Variants in CCDC149 observed in about 807,000 individuals in gnomAD.
CCDC149 encodes the protein coiled-coil domain containing 149.
In CCDC149, 45 loss-of-function variants were observed where a neutral mutation model predicts 59.9. That is an observed-to-expected ratio of 0.75 (90% CI 0.59 to 0.96). The LOEUF (loss-of-function observed/expected upper bound fraction) is 0.96. CCDC149 is among the 40% of genes least tolerant of loss of function. The probability of loss-of-function intolerance (pLI) is 0.00; values close to 1 mark genes in which losing one functional copy is unlikely to be tolerated. For synonymous variants in CCDC149, 245 were observed against 260.6 expected, an observed-to-expected ratio of 0.94 and a Z score of 0.58; for missense variants, 584 against 664.7, an observed-to-expected ratio of 0.88 and a Z score of 1.33.
intron 10 of CCDC149, among the ~76,000 whole-genome samples, chr4:24,821,823 G>C (rs895370887): frequency 1.3e-5 from 2 of 152,110 alleles, no homozygotes; most frequent in African/African-American, 4.8e-5. Context: ...CAAGACAAGT[G>C]GGGTAAATAC....
At chr4:24,907,238 G>GGATCACCTAT (rs1320618642) in intron 1 of CCDC149, among the ~76,000 whole-genome samples, 1 of 152,108 alleles carries the variant, frequency 6.6e-6, no homozygotes, top group Non-Finnish European at 1.5e-5. Context: ...CTCACAATTA[G>GGATCACCTAT]GATCACCTAT....
chr4:24,924,728 A>G (rs1722388556), intron 1 of CCDC149, among the ~76,000 whole-genome samples: 1 of 152,194 alleles, frequency 6.6e-6, no homozygotes, highest in Admixed American at 6.5e-5. Context: ...ACTGCCTTTC[A>G]TCATCTATTC....
intron 1 of CCDC149, among the ~76,000 whole-genome samples, chr4:24,895,344 G>A (rs996082618): frequency 3.9e-5 from 6 of 152,122 alleles, no homozygotes; most frequent in Admixed American, 6.5e-5. Context: ...TGCTGTCTAC[G>A]TGTTAGCCTC....
At chr4:24,831,776 G>GGTGGACTCTCAAT in intron 8 of CCDC149, 126 bp from the exon 9 acceptor site, 1 of 776,204 alleles carries the variant, frequency 1.3e-6, no homozygotes, top group Non-Finnish European at 2.0e-6. Flanking sequence ...GTTGTATTGA[G>GGTGGACTCTCAAT]AGTCCACCTC....
intron 4 of CCDC149, among the ~76,000 whole-genome samples, chr4:24,844,499 A>G (rs1181420735): frequency 6.6e-6 from 1 of 152,160 alleles, no homozygotes; most frequent in Non-Finnish European, 1.5e-5. Context: ...CGGGCCAGGC[A>G]TGGTGGCTGA....
At chr4:24,854,013 C>T (rs149888009) in intron 3 of CCDC149, among the ~76,000 whole-genome samples, 5 of 152,254 alleles carry the variant, frequency 3.3e-5, no homozygotes, top group African/African-American at 7.2e-5. Context: ...CAGGTCCCTC[C>T]GGTCTCCATG....
At position 24,887,597 on chromosome 4, in the gene CCDC149, C is replaced by T. The variant is rs148170627; in HGVS notation, c.64-10900G>A. Reference sequence around the variant, plus strand: ...CCATCCAGCAATACCTCACTTCCCACCCAACAAATGGCTCCAGGTGAACAG... The same window carrying T: ...CCATCCAGCAATACCTCACTTCCCATCCAACAAATGGCTCCAGGTGAACAG... On this transcript the variant is annotated intron_variant, in intron 1 of 12. Coordinates refer to ENST00000635206, the MANE Select transcript of CCDC149 (RefSeq NM_001330643.2). 4.1e-3 allele frequency among the ~76,000 whole-genome samples: 628 copies of T among 152,214 alleles called. 6 individuals carry two copies. The highest frequency in any genetic ancestry group is 0.016 in the South Asian group (75 of 4,808).
intron 12 of CCDC149, among the ~76,000 whole-genome samples, chr4:24,810,411 GA>G (rs915267772): frequency 6.6e-6 from 1 of 152,196 alleles, no homozygotes; most frequent in Non-Finnish European, 1.5e-5. Flanking sequence ...ACCAGGATGA[GA>G]AACAAAATAT....
At chr4:24,933,230 G>T (rs1392122113) in intron 1 of CCDC149, among the ~76,000 whole-genome samples, 1 of 152,148 alleles carries the variant, frequency 6.6e-6, no homozygotes, top group African/African-American at 2.4e-5. Context: ...GGGGCTGGGT[G>T]GCACTAGAAA....
Position 24,948,260 on chromosome 4 carries a change from G to A in CCDC149, c.-65+31809C>T, listed in dbSNP as rs978139393. On this transcript the variant is annotated intron_variant, in intron 1 of 12. Transcript: ENST00000389609. ...TAGGGATTTGCCATCAGGTGACAAG[G>A]GTTCTAGGTTTACAAATGGATCAAC... 3.9e-5 allele frequency among the ~76,000 whole-genome samples: 6 copies of A among 152,154 alleles called. No homozygotes were observed. In the East Asian group the frequency reaches 1.2e-3, roughly 29 times the overall value.
chr4:24,974,181 G>A (rs915084702), intron 1 of CCDC149, among the ~76,000 whole-genome samples: 2 of 152,160 alleles, frequency 1.3e-5, no homozygotes, highest in African/African-American at 4.8e-5. Context: ...AAGGTGACCC[G>A]CAGGTGCCGG....
chr4:24,911,774 G>A (rs1721884726), intron 1 of CCDC149, among the ~76,000 whole-genome samples: 1 of 152,236 alleles, frequency 6.6e-6, no homozygotes, highest in Non-Finnish European at 1.5e-5. Context: ...ACTATTATCA[G>A]ACTGACCTGG....
chr4:24,903,024 CAAAAA>C (rs10646050), intron 1 of CCDC149, among the ~76,000 whole-genome samples: 13,345 of 52,522 alleles, frequency 0.25, 846 homozygotes, highest in South Asian at 0.38. Flanking sequence ...GAGTCTAACT[CAAAAA>C]AAAAAAAAAA....
At chr4:24,939,069 G>A (rs887755671) in intron 1 of CCDC149, among the ~76,000 whole-genome samples, 2 of 152,228 alleles carry the variant, frequency 1.3e-5, no homozygotes, top group African/African-American at 4.8e-5. Flanking sequence ...CATGCAGCTT[G>A]AGATCTGAGA....
chr4:24,862,966 C>G (rs545871594), intron 3 of CCDC149, among the ~76,000 whole-genome samples: 1 of 152,228 alleles, frequency 6.6e-6, no homozygotes, highest in African/African-American at 2.4e-5. Context: ...ACCTTTATTT[C>G]TCCCACAGAC....
At chr4:24,879,148 G>A (rs2109255242) in intron 1 of CCDC149, among the ~76,000 whole-genome samples, 1 of 152,318 alleles carries the variant, frequency 6.6e-6, no homozygotes, top group Non-Finnish European at 1.5e-5. Context: ...AGCTCTGGCT[G>A]AAGGTGAGAC....
chr4:24,914,517 A>C (rs943482998), upstream of CCDC149, among the ~76,000 whole-genome samples: 11 of 152,058 alleles, frequency 7.2e-5, no homozygotes, highest in African/African-American at 2.7e-4. Flanking sequence ...AGGATTCCCA[A>C]CCAACAGTCA....
rs191166649 is a variant in CCDC149, at chr4:24,938,591, C to T, written c.-65+41478G>A. Reference sequence around the variant, plus strand: ...GCACTGGGCGTGAGCCGAAGCAGGGCGAGGAATCACTTCACCCAGGAAGTG... The same window carrying T: ...GCACTGGGCGTGAGCCGAAGCAGGGTGAGGAATCACTTCACCCAGGAAGTG... On this transcript the variant is annotated intron_variant, in intron 1 of 12. Coordinates refer to the CCDC149 transcript ENST00000389609. Among the ~76,000 whole-genome samples the T allele has an allele frequency of 2.5e-4, 38 of 152,254 alleles. 1 individual carries two copies. The highest frequency in any genetic ancestry group is 2.0e-3 in the Admixed American group (30 of 15,286).
chr4:24,977,128 T>C (rs1248863827), intron 1 of CCDC149, among the ~76,000 whole-genome samples: 1 of 152,194 alleles, frequency 6.6e-6, no homozygotes, highest in Non-Finnish European at 1.5e-5. Context: ...GTTGCTTTCA[T>C]GGTTGCTGGG....
Sources: gnomAD v4.1 joint callset for allele counts (sites outside exome capture counted in the v4.1 genomes callset) on GRCh38, gnomAD v4.1.1 for gene constraint, MANE v1.5 for transcripts, NCBI Gene and HGNC (gene_info 2026-07-23, HGNC 2026-07-21) for gene names.